The following LRP1B variants were observed in gnomAD, a reference collection of about 807,000 sequenced individuals.
LRP1B encodes the protein LDL receptor related protein 1B, also known as low-density lipoprotein receptor-related protein 1B.
LRP1B carries 217 observed loss-of-function variants against 556.6 expected under a neutral mutation model. The observed-to-expected ratio is 0.39, with a 90% CI of 0.35 to 0.44. The LOEUF (loss-of-function observed/expected upper bound fraction) is 0.44. Among genes scored for constraint, LRP1B ranks in the 20% least tolerant of loss-of-function variants. The pLI, the probability that LRP1B is intolerant of heterozygous loss-of-function variation, is 1.00. For missense variants in LRP1B, 5,053 were observed against 5,620.8 expected, an observed-to-expected ratio of 0.90 and a Z score of 3.23; for synonymous variants, 2,047 against 1,865.8, an observed-to-expected ratio of 1.10 and a Z score of -2.50.
At chr2:140,268,956 T>C (rs1390939649) in intron 86 of LRP1B, among the ~76,000 whole-genome samples, 1 of 151,978 alleles carries the variant, frequency 6.6e-6, no homozygotes, top group East Asian at 1.9e-4. Context: ...ATATAGCATA[T>C]GGAAGTACTC....
chr2:140,286,979 A>C (rs578246374), intron 84 of LRP1B, among the ~76,000 whole-genome samples: 23 of 151,938 alleles, frequency 1.5e-4, no homozygotes, highest in African/African-American at 5.3e-4. Context: ...GATGAAAATA[A>C]TAGTTTGAGA....
intron 79 of LRP1B, among the ~76,000 whole-genome samples, chr2:140,334,031 A>C (rs574360908): frequency 1.3e-5 from 2 of 151,962 alleles, no homozygotes; most frequent in Admixed American, 6.6e-5. Flanking sequence ...AAAAAAAAAA[A>C]CACCAAACCT....
chr2:140,515,687 AG>A (rs1431777379), intron 50 of LRP1B, among the ~76,000 whole-genome samples: 1 of 152,048 alleles, frequency 6.6e-6, no homozygotes, highest in Non-Finnish European at 1.5e-5. Context: ...AAATTAAAGA[AG>A]ATATGATCAG....
intron 23 of LRP1B, among the ~76,000 whole-genome samples, chr2:140,889,858 C>T (rs1368984500): frequency 6.6e-6 from 1 of 152,096 alleles, no homozygotes; most frequent in Admixed American, 6.6e-5. Flanking sequence ...ATTTTGGAGA[C>T]ATATTTGGCT....
intron 11 of LRP1B, among the ~76,000 whole-genome samples, chr2:141,033,586 G>A (rs529505867): frequency 6.6e-6 from 1 of 151,918 alleles, no homozygotes; most frequent in African/African-American, 2.4e-5. Flanking sequence ...GCTCCCAATG[G>A]TCTGGTACTA....
chr2:141,618,753 C>A (rs1298711404), intron 2 of LRP1B, among the ~76,000 whole-genome samples: 1 of 152,176 alleles, frequency 6.6e-6, no homozygotes, highest in Non-Finnish European at 1.5e-5. Flanking sequence ...TCCTTAGTCT[C>A]TGCTGCTGAA....
intron 67 of LRP1B, among the ~76,000 whole-genome samples, chr2:140,381,446 A>C (rs184250831): frequency 0.02 from 2,976 of 152,270 alleles, 42 homozygotes; most frequent in Non-Finnish European, 0.023. Flanking sequence ...GGAACTCTAC[A>C]CGGGAACAAT....
At chr2:141,205,873 T>G (rs1682254323) in intron 6 of LRP1B, among the ~76,000 whole-genome samples, 3 of 152,194 alleles carry the variant, frequency 2.0e-5, no homozygotes, top group South Asian at 4.1e-4. Context: ...CATTTGTATG[T>G]CAGCAGAATT....
At chr2:142,000,110 A>G (rs1702611556) in intron 1 of LRP1B, among the ~76,000 whole-genome samples, 1 of 151,948 alleles carries the variant, frequency 6.6e-6, no homozygotes, top group Non-Finnish European at 1.5e-5. Flanking sequence ...AGAACTTAAA[A>G]CTATGAACTT....
intron 2 of LRP1B, among the ~76,000 whole-genome samples, chr2:141,515,336 T>A (rs981381538): frequency 6.7e-6 from 1 of 149,918 alleles, no homozygotes; most frequent in East Asian, 2.0e-4. Context: ...CCATGTCCCA[T>A]GAAGGACATA....
At chr2:140,541,158 A>G in intron 44 of LRP1B, 60 bp from the exon 45 acceptor site, 1 of 1,383,680 alleles carries the variant, frequency 7.2e-7, no homozygotes, top group Non-Finnish European at 1.0e-6. Context: ...TATGTTAGAT[A>G]AATATTAATC....
intron 7 of LRP1B, among the ~76,000 whole-genome samples, chr2:141,076,463 A>T (rs1247814626): frequency 6.6e-6 from 1 of 152,210 alleles, no homozygotes; most frequent in Non-Finnish European, 1.5e-5. Context: ...TGTGTATAAT[A>T]ATCACCAGGG....
chr2:141,873,718 A>T, intron 1 of LRP1B, among the ~76,000 whole-genome samples: 1 of 151,968 alleles, frequency 6.6e-6, no homozygotes, highest in East Asian at 1.9e-4. Context: ...GGAGTAGAAA[A>T]AGTACAAACT....
intron 2 of LRP1B, among the ~76,000 whole-genome samples, chr2:141,644,004 T>C (rs1269195583): frequency 8.8e-6 from 1 of 113,038 alleles, no homozygotes; most frequent in African/African-American, 3.5e-5. Flanking sequence ...AGGGAGAATG[T>C]GGAGAGTGTG....
chr2:141,373,469 GTCTA>G (rs1413327343), intron 3 of LRP1B, among the ~76,000 whole-genome samples: 1 of 152,124 alleles, frequency 6.6e-6, no homozygotes, highest in Admixed American at 6.5e-5. Flanking sequence ...TTGTATTGCT[GTCTA>G]TCTCTTTTTT....
intron 1 of LRP1B, among the ~76,000 whole-genome samples, chr2:141,939,259 C>T (rs995955660): frequency 6.6e-6 from 1 of 151,878 alleles, no homozygotes; most frequent in African/African-American, 2.4e-5. Flanking sequence ...TATACACACA[C>T]ACAATATTAC....
intron 14 of LRP1B, among the ~76,000 whole-genome samples, chr2:141,011,274 T>C (rs536999669): frequency 4.9e-4 from 74 of 150,326 alleles, no homozygotes; most frequent in Non-Finnish European, 9.2e-4. Context: ...CTTTCAAATA[T>C]GTATTAATGT....
At chr2:141,440,786 C>T (rs1246388152) in intron 3 of LRP1B, among the ~76,000 whole-genome samples, 1 of 152,146 alleles carries the variant, frequency 6.6e-6, no homozygotes, top group Non-Finnish European at 1.5e-5. Context: ...CTAAATATTC[C>T]GATTTTGTGA....
intron 1 of LRP1B, among the ~76,000 whole-genome samples, chr2:141,833,679 C>G (rs1372463934): frequency 6.6e-6 from 1 of 151,666 alleles, no homozygotes; most frequent in African/African-American, 2.4e-5. Flanking sequence ...AGTCATTAGC[C>G]TAGAAATGAT....
Sources: gnomAD v4.1 joint callset for allele counts (sites outside exome capture counted in the v4.1 genomes callset) on GRCh38, gnomAD v4.1.1 for gene constraint, MANE v1.5 for transcripts, NCBI Gene and HGNC (gene_info 2026-07-23, HGNC 2026-07-21) for gene names.